The following PRSS35 variants were observed in gnomAD, a reference collection of about 807,000 sequenced individuals.
PRSS35 encodes the protein inactive serine protease 35.
A neutral mutation model predicts 8.1 loss-of-function variants in PRSS35; 7 were observed. The observed-to-expected ratio is 0.86, with a 90% CI of 0.49 to 1.62. The LOEUF is 1.62. Ranked by LOEUF, PRSS35 falls within the 40% of genes most tolerant of loss-of-function variation. The pLI, the probability that PRSS35 is intolerant of heterozygous loss-of-function variation, is 0.00. For missense variants in PRSS35, 566 were observed against 518.0 expected (o/e 1.09, Z -0.90); for synonymous variants, 199 against 188.7 (o/e 1.05, Z -0.45).
At position 83,524,494 on chromosome 6, in the gene PRSS35, T is replaced by C; in HGVS notation, c.1053T>C (p.Tyr351=). The part of the protein sequence containing the change: ...AESGSTGSGV[Y]LRLKDPDKKN... Reference sequence around the variant, plus strand: ...CGGGCTCCACCGGTTCGGGGGTCTATCTGCGTCTGAAAGATCCAGACAAAA... The same window carrying C: ...CGGGCTCCACCGGTTCGGGGGTCTACCTGCGTCTGAAAGATCCAGACAAAA... The change falls in exon 2 of 2, where the codon TAT becomes TAC. Residue 351 remains tyrosine (Y), a synonymous_variant. Coordinates refer to ENST00000369700, the MANE Select transcript of PRSS35 (RefSeq NM_153362.3). The C allele has an allele frequency of 6.2e-7, 1 of 1,614,144 alleles. No homozygotes were observed. Among genetic ancestry groups the C allele is most frequent in the Non-Finnish European group, 8.5e-7 (1 of 1,180,028 alleles).
At position 83,524,614 on chromosome 6, in the gene PRSS35, CACTCCCCT is replaced by C; in HGVS notation, c.1175_1182del (p.Thr392LysfsTer24). The C allele has an allele frequency of 1.2e-6, 2 of 1,614,064 alleles. No homozygotes were observed. Among genetic ancestry groups the C allele is most frequent in the Non-Finnish European group, 1.7e-6 (2 of 1,180,004 alleles). ...AGGACTACAACGTTGCTGTTCGCAT[CACTCCCCT>C]AAAATACGCCCAGATTTGCCTCTGG... On this transcript the variant is annotated frameshift_variant, in exon 2 of 2. Transcript: ENST00000369700. LOFTEE classifies it high-confidence loss of function.
intron 1 of PRSS35, among the ~76,000 whole-genome samples, chr6:83,517,062 T>C (rs1469570101): frequency 2.0e-5 from 3 of 152,238 alleles, no homozygotes; most frequent in Non-Finnish European, 4.4e-5. Flanking sequence ...CTGTTTGATA[T>C]GAAAAACATT....
At chr6:83,522,070 T>A (rs1207681723) in intron 1 of PRSS35, among the ~76,000 whole-genome samples, 1 of 152,132 alleles carries the variant, frequency 6.6e-6, no homozygotes, top group African/African-American at 2.4e-5. Flanking sequence ...GTACAATGGC[T>A]GTGGGCCATT....
In PRSS35 at chr6:83,524,062, G is replaced by A. The variant is rs1304479014; in HGVS notation, c.621G>A (p.Arg207=). 4 of 1,614,048 alleles carry A rather than the reference G, an allele frequency of 2.5e-6. No homozygotes were observed. The African/African-American group carries it at 4.0e-5, about 16-fold the overall frequency. The part of the protein sequence containing the change: ...GKKRRGSKRS[R]REASGGDQRE... The stretch of plus-strand genomic sequence containing the variant: ...AACGTCGAGGTTCTAAGAGGAGCAG[G>A]AGAGAAGCTAGTGGTGGTGACCAAA... Residue 207 remains arginine (R), a synonymous_variant, in exon 2 of 2, where the codon AGG becomes AGA. Coordinates refer to ENST00000369700, the MANE Select transcript of PRSS35 (RefSeq NM_153362.3).
chr6:83,514,745 A>G (rs529370272), intron 1 of PRSS35, among the ~76,000 whole-genome samples: 1 of 152,222 alleles, frequency 6.6e-6, no homozygotes, highest in East Asian at 1.9e-4. Context: ...GCTGTAGGTC[A>G]TGCTGGAAGT....
Position 83,524,650 on chromosome 6 carries a change from T to C in PRSS35, c.1209T>C (p.Ile403=), listed in dbSNP as rs751162457. ...AATACGCCCAGATTTGCCTCTGGAT[T>C]CACGGGAACGATGCCAATTGTGCTT... ...PLKYAQICLW[I]HGNDANCAYG is the part of the protein sequence containing the mutation. Residue 403 remains isoleucine, a synonymous_variant, in exon 2 of 2, where the codon ATT becomes ATC. Coordinates refer to ENST00000369700, the MANE Select transcript of PRSS35 (RefSeq NM_153362.3). The C allele has an allele frequency of 6.2e-7, 1 of 1,612,628 alleles. No homozygotes were observed. The highest frequency in any genetic ancestry group is 8.5e-7 in the Non-Finnish European group (1 of 1,179,336).
At chr6:83,522,374 A>C (rs1771838203) in intron 1 of PRSS35, among the ~76,000 whole-genome samples, 1 of 152,162 alleles carries the variant, frequency 6.6e-6, no homozygotes, top group Admixed American at 6.5e-5. Flanking sequence ...CTAAATAGAT[A>C]CATGTACATG....
chr6:83,521,944 A>T (rs1205838834), intron 1 of PRSS35, among the ~76,000 whole-genome samples: 1 of 152,148 alleles, frequency 6.6e-6, no homozygotes, highest in Non-Finnish European at 1.5e-5. Flanking sequence ...AAATTATTGT[A>T]TTTGTATATG....
chr6:83,514,069 T>C (rs1380361988), intron 1 of PRSS35, among the ~76,000 whole-genome samples: 1 of 152,186 alleles, frequency 6.6e-6, no homozygotes, highest in Non-Finnish European at 1.5e-5. Flanking sequence ...AAGCTATTAT[T>C]TTATAACTAA....
At chr6:83,523,067 T>A (rs1391206104) in intron 1 of PRSS35, among the ~76,000 whole-genome samples, 3 of 152,202 alleles carry the variant, frequency 2.0e-5, no homozygotes, top group Non-Finnish European at 4.4e-5. Flanking sequence ...TTGTAGGATA[T>A]CTAAGGAGGA....
Position 83,523,478 on chromosome 6 carries a change from C to T in PRSS35, c.37C>T (p.Pro13Ser). 1 of 1,614,042 alleles carries T rather than the reference C, an allele frequency of 6.2e-7. No individual in the cohort carries two copies. Among genetic ancestry groups the T allele is most frequent in the African/African-American group, 1.3e-5 (1 of 75,028 alleles). The change falls in exon 2 of 2, where the codon CCT becomes TCT. Residue 13 changes from proline (P) to serine (S), a missense_variant. By Grantham distance (74) the Pro-to-Ser change is moderately conservative. Coordinates refer to ENST00000369700, the MANE Select transcript of PRSS35 (RefSeq NM_153362.3). Reference sequence around the variant, plus strand: ...GCTGCTTTGGTTGATATTTTTCACCCCTGGGTGGACCCTCATTGATGGATC... The same window carrying T: ...GCTGCTTTGGTTGATATTTTTCACCTCTGGGTGGACCCTCATTGATGGATC... ...NMLLWLIFFT[P>S]GWTLIDGSEM...
chr6:83,523,505 G>C lies in PRSS35; in HGVS notation c.64G>C (p.Glu22Gln), dbSNP rs751533715. The C allele has an allele frequency of 1.9e-6, 3 of 1,614,194 alleles. No individual in the cohort carries two copies. The highest frequency in any genetic ancestry group is 2.5e-6 in the Non-Finnish European group (3 of 1,180,030). The change falls in exon 2 of 2, where the codon GAA becomes CAA. Residue 22 changes from glutamate (E) to glutamine (Q), a missense_variant. Coordinates refer to ENST00000369700, the MANE Select transcript of PRSS35 (RefSeq NM_153362.3). ...TPGWTLIDGS[E>Q]MEWDFMWHLR... ...TGGGTGGACCCTCATTGATGGATCT[G>C]AAATGGAATGGGATTTTATGTGGCA...
At position 83,524,103 on chromosome 6, in the gene PRSS35, A is replaced by C; in HGVS notation, c.662A>C (p.Glu221Ala). Residue 221 changes from glutamate to alanine, a missense_variant, in exon 2 of 2, where the codon GAG becomes GCG. Glu to Ala is a moderately radical substitution (Grantham distance 107). Coordinates refer to ENST00000369700, the MANE Select transcript of PRSS35 (RefSeq NM_153362.3). ...SGGDQREGTREHLRERAKGGR... is the reference protein window; with the variant it reads ...SGGDQREGTRAHLRERAKGGR... ...GGTGACCAAAGAGAGGGTACCAGAG[A>C]GCATCTGCGGGAGAGAGCGAAGGGT... 10 of 1,613,956 alleles carry C rather than the reference A, an allele frequency of 6.2e-6. No homozygotes were observed. The highest frequency in any genetic ancestry group is 8.5e-6 in the Non-Finnish European group (10 of 1,179,906).
At chr6:83,519,740 G>T (rs1204589957) in intron 1 of PRSS35, among the ~76,000 whole-genome samples, 1 of 152,302 alleles carries the variant, frequency 6.6e-6, no homozygotes, top group South Asian at 2.1e-4. Context: ...ATATTACAAA[G>T]CTCTGCCCTT....
Position 83,523,947 on chromosome 6 carries a change from A to C in PRSS35, c.506A>C (p.His169Pro), listed in dbSNP as rs1390037209. 6.2e-7 allele frequency: 1 copy of C among 1,614,128 alleles called. No homozygotes were observed. The highest frequency in any genetic ancestry group is 1.1e-5 in the South Asian group (1 of 91,086). ...CCTCAGCATGTTCTAACTGCTGCCC[A>C]CTGTGTTCATGATGGAAAGGACTAT... ...ISPQHVLTAA[H>P]CVHDGKDYVK... Residue 169 changes from histidine (H) to proline (P), a missense_variant, in exon 2 of 2, where the codon CAC becomes CCC. Transcript: ENST00000369700.
chr6:83,522,291 T>A (rs1771836882), intron 1 of PRSS35, among the ~76,000 whole-genome samples: 1 of 152,018 alleles, frequency 6.6e-6, no homozygotes, highest in Non-Finnish European at 1.5e-5. Flanking sequence ...ACACAGAGGT[T>A]CAAAATTGCT....
At position 83,514,910 on chromosome 6, in the gene PRSS35, C is replaced by T. The variant is rs1287119937; in HGVS notation, c.-21+2216C>T. On this transcript the variant is annotated intron_variant, in intron 1 of 1. Coordinates refer to ENST00000369700, the MANE Select transcript of PRSS35 (RefSeq NM_153362.3). ...ATAAATTTCATATGTCTCCCTATGT[C>T]ACAGCCATTTAGTATATTATTAGCC... Among the ~76,000 whole-genome samples the T allele has an allele frequency of 4.6e-5, 7 of 152,206 alleles. No individual in the cohort carries two copies. The East Asian group carries it at 1.3e-3, about 29-fold the overall frequency.
chr6:83,513,369 T>A (rs983714890), intron 1 of PRSS35, among the ~76,000 whole-genome samples: 3 of 152,206 alleles, frequency 2.0e-5, no homozygotes, highest in Non-Finnish European at 4.4e-5. Flanking sequence ...GTAGAAACAC[T>A]CCCGCTTGAT....
rs774711692 is a variant in PRSS35, at chr6:83,523,664, C to T, written c.223C>T (p.Leu75Phe). The change falls in exon 2 of 2, where the codon CTT becomes TTT. Residue 75 changes from leucine (L) to phenylalanine (F), a missense_variant. Physicochemically the swap from Leu to Phe is conservative, Grantham distance 22. Transcript: ENST00000369700. ...CCAGAAAGAACTCCCAACTCCCAGCCTTTCTGAATTGGAGGATTATCTTTC... is the reference window on the plus strand; with the variant it reads ...CCAGAAAGAACTCCCAACTCCCAGCTTTTCTGAATTGGAGGATTATCTTTC... ...ECQKELPTPS[L>F]SELEDYLSYE... 2.5e-6 allele frequency: 4 copies of T among 1,614,178 alleles called. No individual in the cohort carries two copies. Among genetic ancestry groups the T allele is most frequent in the South Asian group, 2.2e-5 (2 of 91,086 alleles).
Sources: allele counts gnomAD v4.1 joint callset (sites outside exome capture counted in the v4.1 genomes callset), GRCh38; gene constraint gnomAD v4.1.1; transcripts MANE v1.5; gene names NCBI Gene and HGNC (gene_info 2026-07-23, HGNC 2026-07-21).